AFF3: variants seen among roughly 807,000 people sequenced by gnomAD.
AFF3 encodes the protein ALF transcription elongation factor 3, also known as AF4/FMR2 family member 3.
In AFF3, 32 loss-of-function variants were observed where a neutral mutation model predicts 129.7. The ratio of observed to expected loss-of-function variants is 0.25; its 90% CI spans 0.19 to 0.33. The LOEUF (loss-of-function observed/expected upper bound fraction) is 0.33, where lower values mean the gene tolerates loss of function less well. Among genes scored for constraint, AFF3 ranks in the 10% least tolerant of loss-of-function variants. The pLI, the probability that AFF3 is intolerant of heterozygous loss-of-function variation, is 1.00. For missense variants in AFF3, 1,373 were observed against 1,592.0 expected (o/e 0.86, Z 2.34); for synonymous variants, 644 against 635.4 (o/e 1.01, Z -0.20).
intron 7 of AFF3, among the ~76,000 whole-genome samples, chr2:99,932,142 G>A (rs917583939): frequency 1.3e-5 from 2 of 152,160 alleles, no homozygotes; most frequent in African/African-American, 4.8e-5. Flanking sequence ...TGCAGGCCAG[G>A]ATGGCTTTGA....
intron 7 of AFF3, among the ~76,000 whole-genome samples, chr2:99,948,683 G>A (rs1675866679): frequency 1.3e-5 from 2 of 152,140 alleles, no homozygotes; most frequent in Non-Finnish European, 2.9e-5. Context: ...GAGCCCGCAA[G>A]GCCAGAGCAG....
In AFF3 at chr2:99,550,856, G is replaced by A. The variant is rs1423892651; in HGVS notation, c.*618C>T. ...GGAAGGGAATTAGAGGAAGAGCAGG[G>A]TATTTGGTAACATGCAATCTAGTAA... On this transcript the variant is annotated 3_prime_UTR_variant, in exon 25 of 25. Coordinates refer to ENST00000672756, the MANE Select transcript of AFF3 (RefSeq NM_001386135.1). 8.3e-6 allele frequency: 2 copies of A among 239,926 alleles called. No individual in the cohort carries two copies. Among genetic ancestry groups the A allele is most frequent in the South Asian group, 1.8e-4 (1 of 5,584 alleles). 14.9% of individuals were successfully genotyped at this position (239,926 alleles called of 1,614,324 possible). A position where few individuals can be genotyped will look rare whatever the true frequency, so the allele number is the denominator to read the frequency against.
chr2:99,624,074 C>T (rs1008564253), intron 13 of AFF3, among the ~76,000 whole-genome samples: 6 of 152,314 alleles, frequency 3.9e-5, no homozygotes, highest in African/African-American at 1.4e-4. Flanking sequence ...TGCCTGGAGC[C>T]ACCGGGTTGC....
chr2:99,970,808 G>A (rs1678289752), intron 7 of AFF3, among the ~76,000 whole-genome samples: 1 of 152,200 alleles, frequency 6.6e-6, no homozygotes. Context: ...CTGTGCGGAT[G>A]AAGACATGGG....
intron 13 of AFF3, among the ~76,000 whole-genome samples, chr2:99,603,206 G>A (rs1439646153): frequency 2.0e-5 from 3 of 152,112 alleles, no homozygotes; most frequent in East Asian, 1.9e-4. Flanking sequence ...GAGCTCAGGG[G>A]CTGTAATATT....
intron 21 of AFF3, among the ~76,000 whole-genome samples, 193 bp downstream of exon 21, chr2:99,560,172 T>G (rs1482379555): frequency 3.3e-5 from 5 of 152,246 alleles, no homozygotes; most frequent in Non-Finnish European, 7.3e-5. Flanking sequence ...CTGTCGATTT[T>G]CAATCACTGT....
chr2:99,960,576 C>A (rs1677116009), intron 7 of AFF3, among the ~76,000 whole-genome samples: 1 of 152,182 alleles, frequency 6.6e-6, no homozygotes, highest in Admixed American at 6.5e-5. Flanking sequence ...CAAACACTTT[C>A]TCTTCTAACA....
chr2:99,888,408 CACTAGAA>C (rs1693283189), intron 7 of AFF3, among the ~76,000 whole-genome samples: 1 of 152,124 alleles, frequency 6.6e-6, no homozygotes, highest in Admixed American at 6.6e-5. Context: ...TTTTCTGCAC[CACTAGAA>C]ACTACATTTT....
At chr2:99,574,659 A>G (rs1410266473) in intron 18 of AFF3, among the ~76,000 whole-genome samples, 1 of 152,252 alleles carries the variant, frequency 6.6e-6, no homozygotes, top group African/African-American at 2.4e-5. Flanking sequence ...ATGTTTATTC[A>G]ACCATTAACA....
At chr2:99,967,036 CTA>C (rs909532599) in intron 7 of AFF3, among the ~76,000 whole-genome samples, 2 of 152,172 alleles carry the variant, frequency 1.3e-5, no homozygotes, top group Non-Finnish European at 2.9e-5. Context: ...TCAAAACATC[CTA>C]TGTCCTGATG....
chr2:99,631,138 C>G (rs2105389491), intron 13 of AFF3: 1 of 274,256 alleles, frequency 3.6e-6, no homozygotes, highest in African/African-American at 2.3e-5. Context: ...CCTCGGCCGC[C>G]AAAGTCCCAG....
intron 4 of AFF3, among the ~76,000 whole-genome samples, chr2:100,049,425 CTAA>C (rs766800013): frequency 2.6e-5 from 4 of 152,094 alleles, no homozygotes; most frequent in Non-Finnish European, 4.4e-5. Context: ...CAAAATGAGG[CTAA>C]TGAGATGTGA....
rs148325720 is a variant in AFF3, at chr2:99,568,578, C to T, written c.2982+274G>A. On this transcript the variant is annotated intron_variant, in intron 19 of 24. Transcript: ENST00000672756. ...TTTTTAAAGGAAAAAAAAATACTAC[C>T]GCCCACTGCCTCCACTGGCTCTAGT... Among the ~76,000 whole-genome samples, 866 of 152,222 alleles carry T rather than the reference C, an allele frequency of 5.7e-3. 3 individuals are homozygous for T. Among genetic ancestry groups the T allele is most frequent in the African/African-American group, 0.018 (747 of 41,542 alleles).
chr2:99,758,585 CAA>C (rs5832882), intron 8 of AFF3, among the ~76,000 whole-genome samples: 54 of 103,192 alleles, frequency 5.2e-4, no homozygotes, highest in African/African-American at 1.6e-3. Context: ...GACTCCATCT[CAA>C]AAAAAAAAAA....
chr2:99,710,291 T>C (rs1423735860), intron 11 of AFF3, among the ~76,000 whole-genome samples: 1 of 152,220 alleles, frequency 6.6e-6, no homozygotes, highest in East Asian at 1.9e-4. Context: ...AGAGTCTCTA[T>C]TGTCCAGGCT....
chr2:99,864,388 CAAT>C (rs1691222348), intron 7 of AFF3, among the ~76,000 whole-genome samples: 1 of 152,202 alleles, frequency 6.6e-6, no homozygotes, highest in Non-Finnish European at 1.5e-5. Context: ...ACTGAACCAA[CAAT>C]GTCTCCAATG....
chr2:99,626,073 C>A (rs1295802849), intron 13 of AFF3, among the ~76,000 whole-genome samples: 1 of 152,112 alleles, frequency 6.6e-6, no homozygotes, highest in African/African-American at 2.4e-5. Context: ...TAGCTGAGTG[C>A]CACCCATCGG....
intron 11 of AFF3, among the ~76,000 whole-genome samples, chr2:99,716,893 T>A (rs202143064): frequency 0.2 from 4,268 of 21,860 alleles, 81 homozygotes; most frequent in Middle Eastern, 0.5. Flanking sequence ...AAAAAAAAAA[T>A]ATATATATAT....
intron 13 of AFF3, among the ~76,000 whole-genome samples, chr2:99,617,781 C>T (rs1233537401): frequency 6.6e-6 from 1 of 152,176 alleles, no homozygotes; most frequent in Non-Finnish European, 1.5e-5. Flanking sequence ...TCAAGTCCCA[C>T]CTCTGAGCCT....
Sources: gnomAD v4.1 joint callset for allele counts (sites outside exome capture counted in the v4.1 genomes callset) on GRCh38, gnomAD v4.1.1 for gene constraint, MANE v1.5 for transcripts, NCBI Gene and HGNC (gene_info 2026-07-23, HGNC 2026-07-21) for gene names.